LYRM7: variants seen among roughly 807,000 people sequenced by gnomAD.
LYRM7 encodes the protein complex III assembly factor LYRM7.
A neutral mutation model predicts 15.8 loss-of-function variants in LYRM7; 9 were observed. The observed-to-expected ratio is 0.57, with a 90% CI of 0.34 to 0.99. The LOEUF is 0.99. Among genes scored for constraint, LYRM7 ranks in the 50% least tolerant of loss-of-function variants. The probability of loss-of-function intolerance (pLI) is 0.02; values close to 1 mark genes in which losing one functional copy is unlikely to be tolerated. For missense variants in LYRM7, 115 were observed against 119.1 expected, an observed-to-expected ratio of 0.97 and a Z score of 0.16; for synonymous variants, 39 against 39.4, an observed-to-expected ratio of 0.99 and a Z score of 0.04.
At chr5:131,186,677 A>G (rs540544249) in intron 3 of LYRM7, among the ~76,000 whole-genome samples, 173 of 152,336 alleles carry the variant, frequency 1.1e-3, no homozygotes, top group African/African-American at 4.1e-3. Flanking sequence ...GCAACAGTCA[A>G]TCTTGATAAC....
chr5:131,195,095 C>T (rs947930997), intron 4 of LYRM7, among the ~76,000 whole-genome samples: 8 of 151,906 alleles, frequency 5.3e-5, no homozygotes, highest in Non-Finnish European at 5.9e-5. Flanking sequence ...GGTGAAACCC[C>T]GTCTCTACTG....
At chr5:131,183,764 C>A (rs1439297623) in intron 3 of LYRM7, among the ~76,000 whole-genome samples, 1 of 152,062 alleles carries the variant, frequency 6.6e-6, no homozygotes, top group Non-Finnish European at 1.5e-5. Context: ...TACACTCTTA[C>A]AAATTGAGGA....
chr5:131,182,230 A>C lies in LYRM7; in HGVS notation c.93A>C (p.Ala31=). ...CTATATGTATTTTTCTCTTTGTAGC[A>C]GCCAGAATAAAGATAAATGAAGAAT... The part of the protein sequence containing the change: ...VFKNDARALE[A]ARIKINEEFK... The change falls in exon 3 of 5, where the codon GCA becomes GCC. Residue 31 remains alanine, a splice_region_variant and synonymous_variant. Coordinates refer to ENST00000379380, the MANE Select transcript of LYRM7 (RefSeq NM_181705.4). 1.4e-6 allele frequency: 2 copies of C among 1,427,562 alleles called. No homozygotes were observed. The highest frequency in any genetic ancestry group is 1.9e-6 in the Non-Finnish European group (2 of 1,051,510). The allele number at this position is 1,427,562 out of a possible 1,614,324, so 88.4% of individuals were successfully genotyped here.
intron 4 of LYRM7, among the ~76,000 whole-genome samples, chr5:131,188,019 G>A (rs1292535715): frequency 6.6e-6 from 1 of 152,080 alleles, no homozygotes; most frequent in Non-Finnish European, 1.5e-5. Flanking sequence ...CACTTTGGGA[G>A]GCCAAGGCAG....
intron 2 of LYRM7, among the ~76,000 whole-genome samples, chr5:131,181,055 C>G (rs1466174587): frequency 2.7e-5 from 4 of 150,872 alleles, no homozygotes; most frequent in African/African-American, 2.4e-5. Context: ...CTTTGGGAGG[C>G]AGAGGCAGGC....
At chr5:131,192,949 C>T (rs1411802205) in intron 4 of LYRM7, among the ~76,000 whole-genome samples, 91 of 152,152 alleles carry the variant, frequency 6.0e-4, no homozygotes, top group Middle Eastern at 3.4e-3. Context: ...TATTTTCATT[C>T]GTACAAATTT....
rs138894917 is a variant in LYRM7, at chr5:131,187,609, C to T, written c.244+500C>T. Among the ~76,000 whole-genome samples, 585 of 152,042 alleles carry T rather than the reference C, an allele frequency of 3.8e-3. 7 individuals carry two copies. Among genetic ancestry groups the T allele is most frequent in the Non-Finnish European group, 5.5e-3 (371 of 67,964 alleles). On this transcript the variant is annotated intron_variant, in intron 4 of 4. Transcript: ENST00000379380. ...AAGCATTTCTCATGCCTCAGCCTCC[C>T]AACTAGCTAGGACTACAGGCACACA... is the stretch of plus-strand genomic sequence containing the variant.
intron 4 of LYRM7, among the ~76,000 whole-genome samples, chr5:131,187,579 G>A (rs1476175657): frequency 6.6e-6 from 1 of 151,662 alleles, no homozygotes; most frequent in Non-Finnish European, 1.5e-5. Context: ...CCACCTCCTG[G>A]GTTCAAGCAT....
rs1756087995 is a variant in LYRM7 at position 131,202,458 on chromosome 5, C to T, written c.*2857C>T. Reference sequence around the variant, plus strand: ...GTGGTGAGCTAAGATTGTGCCACTGCACTCCAGCCTGAGAGAACAAGACTC... The same window carrying T: ...GTGGTGAGCTAAGATTGTGCCACTGTACTCCAGCCTGAGAGAACAAGACTC... On this transcript the variant is annotated 3_prime_UTR_variant, in exon 5 of 5. Transcript: ENST00000379380. 1 of 152,304 alleles carries T rather than the reference C, an allele frequency of 6.6e-6. No individual in the cohort carries two copies. The highest frequency in any genetic ancestry group is 2.1e-4 in the South Asian group (1 of 4,830). 9.4% of individuals were successfully genotyped at this position (152,304 alleles called of 1,614,324 possible). A position where few individuals can be genotyped will look rare whatever the true frequency, so the allele number is the denominator to read the frequency against.
At chr5:131,180,600 A>G (rs950323641) in intron 2 of LYRM7, among the ~76,000 whole-genome samples, 1 of 152,206 alleles carries the variant, frequency 6.6e-6, no homozygotes, top group Non-Finnish European at 1.5e-5. Context: ...AGTAGTTTCT[A>G]TCTTATCTGG....
In LYRM7 at chr5:131,200,351, C is replaced by G. The variant is rs4706009; in HGVS notation, c.*750C>G. On this transcript the variant is annotated 3_prime_UTR_variant, in exon 5 of 5. Coordinates refer to ENST00000379380, the MANE Select transcript of LYRM7 (RefSeq NM_181705.4). ...GTTAGACTTTAGTGTGAAATGTAAT[C>G]GGTGGCTACATTCTCATCGTTTTAA... is the stretch of plus-strand genomic sequence containing the variant. 6.6e-6 allele frequency: 1 copy of G among 152,122 alleles called. No homozygotes were observed. Among genetic ancestry groups the G allele is most frequent in the Non-Finnish European group, 1.5e-5 (1 of 67,984 alleles). The allele number at this position is 152,122 out of a possible 1,614,324, so 9.4% of individuals were successfully genotyped here.
Position 131,203,061 on chromosome 5 carries a change from A to G in LYRM7, c.*3460A>G, listed in dbSNP as rs1756102074. The G allele has an allele frequency of 6.6e-6, 1 of 152,396 alleles. No individual in the cohort carries two copies. Among genetic ancestry groups the G allele is most frequent in the Non-Finnish European group, 1.5e-5 (1 of 68,044 alleles). The allele number at this position is 152,396 out of a possible 1,614,324, so 9.4% of individuals were successfully genotyped here. A position where few individuals can be genotyped will look rare whatever the true frequency, so the allele number is the denominator to read the frequency against. On this transcript the variant is annotated 3_prime_UTR_variant, in exon 5 of 5. Coordinates refer to ENST00000379380, the MANE Select transcript of LYRM7 (RefSeq NM_181705.4). ...TACAATACCAAAAAAGCACACAAGA[A>G]TAAGAATATGTGGAATTTCTATACC... is the stretch of plus-strand genomic sequence containing the variant.
At chr5:131,198,187 C>G (rs1262318557) in intron 4 of LYRM7, among the ~76,000 whole-genome samples, 2 of 151,946 alleles carry the variant, frequency 1.3e-5, no homozygotes, top group Non-Finnish European at 2.9e-5. Context: ...GTGTGTATTT[C>G]CTAAATATAC....
At chr5:131,180,067 C>T (rs759619661) in intron 1 of LYRM7, 28 bp from the exon 2 acceptor site, 14 of 1,538,690 alleles carry the variant, frequency 9.1e-6, no homozygotes, top group African/African-American at 1.4e-5. Context: ...CCACTGTGCC[C>T]AACCTTGAAT....
chr5:131,175,716 G>A (rs184771669), intron 1 of LYRM7, among the ~76,000 whole-genome samples: 115 of 150,712 alleles, frequency 7.6e-4, no homozygotes, highest in South Asian at 3.4e-3. Context: ...TTTATTTTTT[G>A]TAGATACAGG....
rs1423489363 is a variant in LYRM7, at chr5:131,201,260, A to C, written c.*1659A>C. On this transcript the variant is annotated 3_prime_UTR_variant, in exon 5 of 5. Transcript: ENST00000379380. ...ACCCGGGAGGTGGAGGTTGCAGTGA[A>C]CTGAGATTGTGCCACTGCACTCCAG... The C allele has an allele frequency of 6.8e-6, 1 of 147,280 alleles. No homozygotes were observed. The highest frequency in any genetic ancestry group is 2.0e-4 in the East Asian group (1 of 4,944). 9.1% of individuals were successfully genotyped at this position (147,280 alleles called of 1,614,324 possible). A position where few individuals can be genotyped will look rare whatever the true frequency, so the allele number is the denominator to read the frequency against.
At chr5:131,182,467 A>T (rs1755729804) in intron 3 of LYRM7, among the ~76,000 whole-genome samples, 168 bp downstream of exon 3, 1 of 152,172 alleles carries the variant, frequency 6.6e-6, no homozygotes, top group South Asian at 2.1e-4. Flanking sequence ...CCTCAGGCTC[A>T]TCTGCCGACA....
chr5:131,191,721 A>C (rs1343863951), intron 4 of LYRM7, among the ~76,000 whole-genome samples: 3 of 152,196 alleles, frequency 2.0e-5, no homozygotes, highest in African/African-American at 4.8e-5. Context: ...GAGAATGACT[A>C]TTGTCAAAAA....
rs1756078028 is a variant in LYRM7 at position 131,202,014 on chromosome 5, A to G, written c.*2413A>G. 6.6e-6 allele frequency: 1 copy of G among 151,804 alleles called. No homozygotes were observed. The highest frequency in any genetic ancestry group is 2.4e-5 in the African/African-American group (1 of 41,350). The allele number at this position is 151,804 out of a possible 1,614,324, so 9.4% of individuals were successfully genotyped here. A position where few individuals can be genotyped will look rare whatever the true frequency, so the allele number is the denominator to read the frequency against. ...ACACCTAGCTATTTTTTTTATTTTT[A>G]GTAAGGACAAGGTCTCATTATGTTG... On this transcript the variant is annotated 3_prime_UTR_variant, in exon 5 of 5. Transcript: ENST00000379380.
Sources: allele counts gnomAD v4.1 joint callset (sites outside exome capture counted in the v4.1 genomes callset), GRCh38; gene constraint gnomAD v4.1.1; transcripts MANE v1.5; gene names NCBI Gene and HGNC (gene_info 2026-07-23, HGNC 2026-07-21).